Variants in FAM193B observed in about 807,000 individuals in gnomAD.
The protein encoded by FAM193B is family with sequence similarity 193 member B.
A neutral mutation model predicts 70.7 loss-of-function variants in FAM193B; 27 were observed. The observed-to-expected ratio is 0.38, with a 90% CI of 0.28 to 0.53. The LOEUF (loss-of-function observed/expected upper bound fraction) is 0.53. Ranked by LOEUF, FAM193B falls within the 20% of genes least tolerant of loss-of-function variation. FAM193B has a pLI of 0.81. For synonymous variants in FAM193B, 448 were observed against 436.0 expected (o/e 1.03, Z -0.34); for missense variants, 1,022 against 1,072.5 (o/e 0.95, Z 0.66).
At chr5:177,531,978 T>C in intron 5 of FAM193B, 1 of 1,287,874 alleles carries the variant, frequency 7.8e-7, no homozygotes, top group Non-Finnish European at 1.0e-6. Context: ...CACTGCTTCC[T>C]CCCCCTGGCC....
chr5:177,531,324 G>C, intron 5 of FAM193B: 1 of 1,355,356 alleles, frequency 7.4e-7, no homozygotes, highest in Non-Finnish European at 9.9e-7. Context: ...CGGCCCTGGC[G>C]CTGTTGGGGA....
chr5:177,521,070 T>A (rs1336737120), intron 8 of FAM193B, among the ~76,000 whole-genome samples: 1 of 152,112 alleles, frequency 6.6e-6, no homozygotes. Context: ...GGGGCCATCA[T>A]GGGGGAAGTG....
intron 1 of FAM193B, among the ~76,000 whole-genome samples, chr5:177,542,148 C>G (rs976430249): frequency 1.3e-5 from 2 of 152,190 alleles, no homozygotes; most frequent in Non-Finnish European, 2.9e-5. Context: ...TTTTTAAAAG[C>G]AAATACACAA....
intron 1 of FAM193B, among the ~76,000 whole-genome samples, chr5:177,541,597 T>A (rs1304724369): frequency 6.6e-6 from 1 of 152,058 alleles, no homozygotes; most frequent in Non-Finnish European, 1.5e-5. Flanking sequence ...TTTTTTGTAT[T>A]TTTAGTGGAG....
At chr5:177,545,592 CG>C (rs1561784036) in intron 1 of FAM193B, among the ~76,000 whole-genome samples, 1 of 147,576 alleles carries the variant, frequency 6.8e-6, no homozygotes, top group African/African-American at 2.5e-5. Context: ...GCCCAAGTGA[CG>C]GAGGTTGCAG....
At chr5:177,552,921 T>C (rs758384223) in intron 1 of FAM193B, among the ~76,000 whole-genome samples, 30 of 152,238 alleles carry the variant, frequency 2.0e-4, no homozygotes, top group Non-Finnish European at 3.7e-4. Flanking sequence ...TAGTTATTTT[T>C]ATTCTGTGTT....
rs1331121577 is a variant in FAM193B at position 177,522,079 on chromosome 5, G to A, written c.2373-8C>T. ...GCAGAATCCAAACAGAACCTGTTGG[G>A]TTTGGGGGACACATGAGAAGCACAA... On this transcript the variant is annotated splice_polypyrimidine_tract_variant and splice_region_variant and intron_variant, in intron 7 of 8. Coordinates refer to ENST00000514747, the MANE Select transcript of FAM193B (RefSeq NM_001190946.3). The A allele has an allele frequency of 2.5e-6, 4 of 1,612,052 alleles. No homozygotes were observed. Among genetic ancestry groups the A allele is most frequent in the Non-Finnish European group, 3.4e-6 (4 of 1,178,282 alleles).
chr5:177,540,033 G>C (rs867373118), intron 1 of FAM193B, among the ~76,000 whole-genome samples: 1 of 151,810 alleles, frequency 6.6e-6, no homozygotes, highest in Non-Finnish European at 1.5e-5. Context: ...CAGGCCGGGC[G>C]CGGTAGCTCA....
intron 1 of FAM193B, chr5:177,553,803 C>T: frequency 7.8e-7 from 1 of 1,287,056 alleles, no homozygotes; most frequent in Non-Finnish European, 1.0e-6. Context: ...GCTGCAGGCG[C>T]TGCAGGGGAC....
intron 1 of FAM193B, 162 bp from the exon 2 acceptor site, chr5:177,539,309 G>T: frequency 1.2e-6 from 1 of 817,006 alleles, no homozygotes; most frequent in Non-Finnish European, 1.8e-6. Context: ...TGCAAACGAG[G>T]TGTTCTTATT....
chr5:177,520,995 AG>A (rs1264739993), intron 8 of FAM193B, among the ~76,000 whole-genome samples: 1 of 152,184 alleles, frequency 6.6e-6, no homozygotes, highest in African/African-American at 2.4e-5. Flanking sequence ...CTGAGGGTCC[AG>A]GAAGTTTGCT....
chr5:177,539,281 T>A, intron 1 of FAM193B, 134 bp from the exon 2 acceptor site: 1 of 1,126,660 alleles, frequency 8.9e-7, no homozygotes, highest in Non-Finnish European at 1.2e-6. Flanking sequence ...AATTAAAATT[T>A]AGTCCTTGTA....
In FAM193B at chr5:177,524,893, T is replaced by C. The variant is rs1279832322; in HGVS notation, c.1588A>G (p.Ile530Val). 5 of 1,509,218 alleles carry C rather than the reference T, an allele frequency of 3.3e-6. No individual in the cohort carries two copies. The highest frequency in any genetic ancestry group is 1.4e-5 in the African/African-American group (1 of 71,422). 93.5% of individuals were successfully genotyped at this position (1,509,218 alleles called of 1,614,324 possible). ...GTCAAAGGGGACAGGTCAAGGTTGA[T>C]GTCAGGCTGCTGCTCTGAGGAGCCA... is the stretch of plus-strand genomic sequence containing the variant. ...LSGSSEQQPD[I>V]NLDLSPLTLG... The change falls in exon 6 of 9, where the codon ATC becomes GTC. Residue 530 changes from isoleucine to valine, a missense_variant. By Grantham distance (29) the Ile-to-Val change is conservative (BLOSUM62 3). Coordinates refer to ENST00000514747, the MANE Select transcript of FAM193B (RefSeq NM_001190946.3).
In FAM193B at chr5:177,532,665, G is replaced by C. The variant is rs1231714487; in HGVS notation, c.1077-24C>G. ...CCCTGATGATGGGGAGGAAGGCCCA[G>C]AGGTGAGGCAGGGTGATGCAGAAAC... On this transcript the variant is annotated intron_variant, in intron 4 of 8. Coordinates refer to ENST00000514747, the MANE Select transcript of FAM193B (RefSeq NM_001190946.3). The surrounding 1 kb of genome is among the most constrained non-coding windows in gnomAD (Gnocchi z 4.9). 2.0e-6 allele frequency: 3 copies of C among 1,506,124 alleles called. No individual in the cohort carries two copies. In the African/African-American group the frequency reaches 4.2e-5, roughly 21 times the overall value. 93.3% of individuals were successfully genotyped at this position (1,506,124 alleles called of 1,614,324 possible). A position where few individuals can be genotyped will look rare whatever the true frequency, so the allele number is the denominator to read the frequency against.
rs534580655 is a variant in FAM193B, at chr5:177,524,629, G to A, written c.1852C>T (p.Pro618Ser). The stretch of plus-strand genomic sequence containing the variant: ...TCAGGCAGCTCCTGCTTGCAACTGG[G>A]AACTTCCTTTGAGCTTGGCTCCTCG... ...SSEEPSSKEVPSCKQELPEPV... is the reference protein window; with the variant it reads ...SSEEPSSKEVSSCKQELPEPV... Residue 618 changes from proline (P) to serine (S), a missense_variant, in exon 6 of 9, where the codon CCC becomes TCC. Transcript: ENST00000514747. 1.9e-6 allele frequency: 3 copies of A among 1,612,828 alleles called. No homozygotes were observed. The East Asian group carries it at 6.7e-5, about 36-fold the overall frequency.
At chr5:177,531,505 G>A (rs1437044880) in intron 5 of FAM193B, 6 of 1,325,998 alleles carry the variant, frequency 4.5e-6, no homozygotes, top group Admixed American at 2.0e-5. Flanking sequence ...GTTCCGACTC[G>A]TCGGGGCAGC....
At chr5:177,533,397 C>T (rs1003706045) in intron 4 of FAM193B, among the ~76,000 whole-genome samples, 1 of 151,928 alleles carries the variant, frequency 6.6e-6, no homozygotes, top group African/African-American at 2.4e-5. Flanking sequence ...CTCCGCCTCC[C>T]AGGTTCACGC....
intron 1 of FAM193B, among the ~76,000 whole-genome samples, chr5:177,544,812 T>A (rs1392168861): frequency 6.6e-6 from 1 of 152,254 alleles, no homozygotes; most frequent in Non-Finnish European, 1.5e-5. Flanking sequence ...TAAATGAGTA[T>A]GAAGACTTCA....
chr5:177,525,135 G>C lies in FAM193B; in HGVS notation c.1346C>G (p.Pro449Arg), dbSNP rs1201797422. 2 of 1,540,906 alleles carry C rather than the reference G, an allele frequency of 1.3e-6. No individual in the cohort carries two copies. The highest frequency in any genetic ancestry group is 8.7e-7 in the Non-Finnish European group (1 of 1,145,580). ...QANRVSGSREPRPARERLLEW... is the reference protein window; with the variant it reads ...QANRVSGSRERRPARERLLEW... ...CAAGAGCCTCTCCCTGGCAGGCCTT[G>C]GCTCCCGGCTTCCAGAAACACGATT... The change falls in exon 6 of 9, where the codon CCA becomes CGA. Residue 449 changes from proline to arginine, a missense_variant. Transcript: ENST00000514747.
Sources: allele counts gnomAD v4.1 joint callset (sites outside exome capture counted in the v4.1 genomes callset), GRCh38; gene constraint gnomAD v4.1.1; non-coding constraint Gnocchi (gnomAD v3.1); transcripts MANE v1.5; gene names NCBI Gene and HGNC (gene_info 2026-07-23, HGNC 2026-07-21).